The following TTC6 variants were observed in gnomAD, a reference collection of about 807,000 sequenced individuals.
TTC6 encodes tetratricopeptide repeat protein 6.
In TTC6, 172 loss-of-function variants were observed where a neutral mutation model predicts 210.4. That is an observed-to-expected ratio of 0.82 (90% confidence interval 0.72 to 0.93). The LOEUF (loss-of-function observed/expected upper bound fraction) is 0.93. TTC6 is among the 40% of genes least tolerant of loss of function. The pLI is 0.00. For missense variants in TTC6, 2,414 were observed against 2,318.1 expected, an observed-to-expected ratio of 1.04 and a Z score of -0.85; for synonymous variants, 804 against 819.6, an observed-to-expected ratio of 0.98 and a Z score of 0.32.
chr14:37,801,524 G>T (rs565560940), intron 20 of TTC6, among the ~76,000 whole-genome samples: 13 of 152,134 alleles, frequency 8.5e-5, no homozygotes, highest in Non-Finnish European at 1.8e-4. Flanking sequence ...TGGCAAAATT[G>T]GTGGGGTGTC....
chr14:37,622,708 T>C (rs1047335007), exon 1 of TTC6: 16 of 1,534,908 alleles, frequency 1.0e-5, no homozygotes, highest in Admixed American at 7.8e-5. Context: ...GACGGCTACA[T>C]GGAGGCCAGC....
At chr14:37,729,497 G>A (rs1287680649) in intron 7 of TTC6, among the ~76,000 whole-genome samples, 2 of 152,202 alleles carry the variant, frequency 1.3e-5, no homozygotes, top group Non-Finnish European at 2.9e-5. Flanking sequence ...CCCAGCCAGG[G>A]ACTGAGCACA....
At chr14:37,668,412 T>C (rs1412073924) in intron 1 of TTC6, among the ~76,000 whole-genome samples, 1 of 150,416 alleles carries the variant, frequency 6.6e-6, no homozygotes, top group Non-Finnish European at 1.5e-5. Flanking sequence ...CTGGAGACTT[T>C]AGCTTGGTCA....
chr14:37,800,771 T>C (rs1221298963), intron 20 of TTC6, among the ~76,000 whole-genome samples: 1 of 152,152 alleles, frequency 6.6e-6, no homozygotes, highest in Admixed American at 6.5e-5. Flanking sequence ...GTGAAATCCA[T>C]GGAAGATCTC....
intron 14 of TTC6, among the ~76,000 whole-genome samples, chr14:37,760,595 G>A (rs889748929): frequency 5.3e-5 from 8 of 152,322 alleles, no homozygotes; most frequent in Non-Finnish European, 1.2e-4. Context: ...GAACGTTTAA[G>A]TCCACTGAAG....
At chr14:37,789,361 A>T (rs1026669797) in intron 15 of TTC6, among the ~76,000 whole-genome samples, 9 of 151,852 alleles carry the variant, frequency 5.9e-5, no homozygotes, top group Non-Finnish European at 1.3e-4. Context: ...GTTTGTTAAG[A>T]GCAGCCACCC....
chr14:37,798,323 T>A (rs566723113), intron 20 of TTC6, among the ~76,000 whole-genome samples: 1 of 152,080 alleles, frequency 6.6e-6, no homozygotes, highest in Admixed American at 6.6e-5. Context: ...AGATTTTACA[T>A]ATCCATTGCT....
At chr14:37,714,616 T>C in intron 5 of TTC6, 39 bp from the exon 8 acceptor site, 1 of 1,512,934 alleles carries the variant, frequency 6.6e-7, no homozygotes, top group Admixed American at 2.0e-5. Flanking sequence ...CTTTGTCAAT[T>C]ACTTAAAAAG....
At chr14:37,750,723 T>TAA (rs925655257) in intron 12 of TTC6, among the ~76,000 whole-genome samples, 1 of 150,096 alleles carries the variant, frequency 6.7e-6, no homozygotes, top group Non-Finnish European at 1.5e-5. Context: ...CCTGTGTCTA[T>TAA]AAAAAAAAAT....
intron 1 of TTC6, among the ~76,000 whole-genome samples, chr14:37,672,936 C>A (rs1191294877): frequency 6.7e-6 from 1 of 148,840 alleles, no homozygotes; most frequent in Non-Finnish European, 1.5e-5. Flanking sequence ...TGTTATGTTT[C>A]TGGAACTACT....
At chr14:37,640,233 C>T (rs1329696646) in intron 1 of TTC6, among the ~76,000 whole-genome samples, 3 of 151,826 alleles carry the variant, frequency 2.0e-5, no homozygotes, top group Admixed American at 1.3e-4. Flanking sequence ...AGTACAGGTG[C>T]TACCCAGAAA....
intron 10 of TTC6, among the ~76,000 whole-genome samples, chr14:37,741,470 A>G (rs1013457204): frequency 1.3e-5 from 2 of 151,574 alleles, no homozygotes; most frequent in Non-Finnish European, 2.9e-5. Context: ...TCGTATTTTT[A>G]GTAGAGACAG....
intron 5 of TTC6, among the ~76,000 whole-genome samples, chr14:37,709,589 A>T (rs1251324918): frequency 6.6e-6 from 1 of 151,782 alleles, no homozygotes; most frequent in Non-Finnish European, 1.5e-5. Context: ...CTGGATTTTT[A>T]AAAAAGTAAA....
chr14:37,695,353 T>A (rs1407603221), intron 3 of TTC6, among the ~76,000 whole-genome samples: 1 of 151,876 alleles, frequency 6.6e-6, no homozygotes, highest in African/African-American at 2.4e-5. Flanking sequence ...TCAGTAATTA[T>A]TTATTTATTT....
chr14:37,602,444 A>AT (rs1261652266), intron 1 of TTC6, among the ~76,000 whole-genome samples: 1 of 152,152 alleles, frequency 6.6e-6, no homozygotes, highest in African/African-American at 2.4e-5. Flanking sequence ...CTCTCGTGTC[A>AT]TTTTTTCATC....
intron 14 of TTC6, among the ~76,000 whole-genome samples, chr14:37,757,346 C>T (rs541104750): frequency 8.5e-5 from 13 of 152,074 alleles, no homozygotes; most frequent in Admixed American, 3.3e-4. Context: ...CTGCAAGCTC[C>T]GCCTCCCAGG....
chr14:37,621,190 C>A (rs916215230), upstream of TTC6, among the ~76,000 whole-genome samples: 4 of 152,164 alleles, frequency 2.6e-5, no homozygotes, highest in South Asian at 4.1e-4. Flanking sequence ...AGCTGTCTAG[C>A]CACAAGAACT....
At chr14:37,766,590 T>C (rs2096000182) in intron 14 of TTC6, among the ~76,000 whole-genome samples, 1 of 152,168 alleles carries the variant, frequency 6.6e-6, no homozygotes, top group Non-Finnish European at 1.5e-5. Context: ...ATGTACCACG[T>C]TTTCTTTACT....
rs1338088124 is a variant in TTC6 at position 37,816,128 on chromosome 14, A to T, written c.4690-1450A>T. Among the ~76,000 whole-genome samples, 9 of 151,974 alleles carry T rather than the reference A, an allele frequency of 5.9e-5. No homozygotes were observed. The East Asian group carries it at 1.4e-3, about 23-fold the overall frequency. On this transcript the variant is annotated intron_variant, in intron 25 of 30. Transcript: ENST00000553443. ...GATTATATTTGATCAGACAATAATT[A>T]AAAAAATTTTCTTCCAAATAGTTCC...
Sources: gnomAD v4.1 joint callset for allele counts (sites outside exome capture counted in the v4.1 genomes callset) on GRCh38, gnomAD v4.1.1 for gene constraint, MANE v1.5 for transcripts, NCBI Gene and HGNC (gene_info 2026-07-23, HGNC 2026-07-21) for gene names.